The following TTC13 variants were observed in gnomAD, a reference collection of about 807,000 sequenced individuals.
The protein encoded by TTC13 is tetratricopeptide repeat protein 13.
In TTC13, 62 loss-of-function variants were observed where a neutral mutation model predicts 120.0. The observed-to-expected ratio is 0.52, with a 90% CI of 0.42 to 0.64. The LOEUF (loss-of-function observed/expected upper bound fraction) is 0.64. Ranked by LOEUF, TTC13 falls within the 30% of genes least tolerant of loss-of-function variation. The pLI is 0.00. For missense variants in TTC13, 824 were observed against 1,050.2 expected, an observed-to-expected ratio of 0.78 and a Z score of 2.98; for synonymous variants, 384 against 393.5, an observed-to-expected ratio of 0.98 and a Z score of 0.28.
At chr1:230,936,287 G>A in intron 8 of TTC13, 1 of 454,014 alleles carries the variant, frequency 2.2e-6, no homozygotes, top group Non-Finnish European at 4.4e-6. Context: ...GGACATAGTA[G>A]AATCAAGATT....
chr1:230,909,764 C>T (rs886081138), intron 20 of TTC13, among the ~76,000 whole-genome samples: 1 of 152,166 alleles, frequency 6.6e-6, no homozygotes, highest in Admixed American at 6.5e-5. Context: ...TGTGAACTGC[C>T]AGGGCTCCAA....
At chr1:230,961,455 A>C in intron 1 of TTC13, 152 bp from the exon 2 acceptor site, 1 of 604,254 alleles carries the variant, frequency 1.7e-6, no homozygotes, top group South Asian at 2.0e-5. Flanking sequence ...ACAGTGCCTC[A>C]CACCTGTAAT....
At chr1:230,937,558 G>A (rs1572228177) in intron 8 of TTC13, among the ~76,000 whole-genome samples, 2 of 152,298 alleles carry the variant, frequency 1.3e-5, no homozygotes, top group East Asian at 1.9e-4. Context: ...CAAAGCCTGC[G>A]GCTGCCAGTC....
chr1:230,908,990 T>C lies in TTC13; in HGVS notation c.2340A>G (p.Ala780=), dbSNP rs756831184. The C allele has an allele frequency of 6.2e-7, 1 of 1,614,216 alleles. No individual in the cohort carries two copies. The highest frequency in any genetic ancestry group is 2.2e-5 in the East Asian group (1 of 44,884). ...CTACTTCTTTTCCACTTGCCATCAG[T>C]GCTCCCACGATGACCGAGTAAGCAA... ...SVIAYSVIVG[A]LMASGKEVAG... Residue 780 remains alanine (A), a synonymous_variant, in exon 21 of 23, where the codon GCA becomes GCG. Transcript: ENST00000366661.
intron 11 of TTC13, 103 bp from the exon 12 acceptor site, chr1:230,929,196 A>G (rs1673315027): frequency 4.8e-6 from 6 of 1,238,898 alleles, no homozygotes; most frequent in African/African-American, 4.6e-5. Context: ...TTCTTCAATT[A>G]TAAGAATTCT....
In TTC13 at chr1:230,942,067, A is replaced by G. The variant is rs992363189; in HGVS notation, c.673-1511T>C. On this transcript the variant is annotated intron_variant, in intron 6 of 22. Coordinates refer to ENST00000366661, the MANE Select transcript of TTC13 (RefSeq NM_024525.5). The surrounding 1 kb of genome is among the most constrained non-coding windows in gnomAD (Gnocchi z 4.0). ...AATGCCAGAAAAACAGAATATTATT[A>G]TACATTTTTAAGACAATTAAAAATT... Among the ~76,000 whole-genome samples, 1 of 152,242 alleles carries G rather than the reference A, an allele frequency of 6.6e-6. No individual in the cohort carries two copies. The highest frequency in any genetic ancestry group is 2.4e-5 in the African/African-American group (1 of 41,472).
At chr1:230,976,449 A>C (rs1194644234) in intron 1 of TTC13, among the ~76,000 whole-genome samples, 2 of 152,202 alleles carry the variant, frequency 1.3e-5, no homozygotes, top group African/African-American at 2.4e-5. Context: ...AGTAGCCCCT[A>C]CAACAACAGA....
chr1:230,973,735 G>C (rs191838439), intron 1 of TTC13, among the ~76,000 whole-genome samples: 59 of 152,316 alleles, frequency 3.9e-4, no homozygotes, highest in Non-Finnish European at 8.1e-4. Flanking sequence ...AGAGTATAAA[G>C]ATATAATTTA....
At chr1:230,934,310 T>C (rs939137850) in intron 8 of TTC13, among the ~76,000 whole-genome samples, 1 of 152,014 alleles carries the variant, frequency 6.6e-6, no homozygotes, top group African/African-American at 2.4e-5. Context: ...GAAAGCCCAA[T>C]GTGAAACTGT....
chr1:230,978,722 C>T lies in TTC13; in HGVS notation c.109G>A (p.Ala37Thr), dbSNP rs987453161. The change falls in exon 1 of 23, where the codon GCC (alanine) becomes ACC (threonine). Residue 37 changes from alanine (A) to threonine (T), a missense_variant. Coordinates refer to ENST00000366661, the MANE Select transcript of TTC13 (RefSeq NM_024525.5). This position sits in a 1 kb window ranked among gnomAD's most constrained non-coding sequence, Gnocchi z 5.6. ...GCCAGGGCGCCTGGCCGCAGCCCGG[C>T]GGACAGGACCCCCAGCAGCAGCAGC... Reference protein sequence around the residue: ...LLLLLLGVLSAGLRPGALATE... With the variant: ...LLLLLLGVLSTGLRPGALATE... 1.3e-6 allele frequency: 2 copies of T among 1,495,098 alleles called. No homozygotes were observed. Among genetic ancestry groups the T allele is most frequent in the Admixed American group, 4.4e-5 (2 of 45,570 alleles). 92.6% of individuals were successfully genotyped at this position (1,495,098 alleles called of 1,614,324 possible). A position where few individuals can be genotyped will look rare whatever the true frequency, so the allele number is the denominator to read the frequency against.
chr1:230,931,572 G>T (rs11122625), intron 10 of TTC13, 100 bp from the exon 11 acceptor site: 750,782 of 1,485,568 alleles, frequency 0.51, 193,240 homozygotes, highest in Admixed American at 0.64. Context: ...GGTTAAACCA[G>T]ACCTGTAAAC....
At chr1:230,933,747 C>G in intron 9 of TTC13, 32 bp downstream of exon 9, 1 of 1,274,736 alleles carries the variant, frequency 7.8e-7, no homozygotes, top group African/African-American at 1.5e-5. Flanking sequence ...CTTCAGCCTC[C>G]CTCCTACCCC....
At chr1:230,953,307 C>G (rs76794231) in intron 4 of TTC13, among the ~76,000 whole-genome samples, 9,150 of 152,158 alleles carry the variant, frequency 0.06, 289 homozygotes, top group Middle Eastern at 0.082. Context: ...TATAATTAAC[C>G]TTATTTTTAA....
intron 1 of TTC13, among the ~76,000 whole-genome samples, chr1:230,974,343 C>G (rs1035255609): frequency 6.6e-6 from 1 of 152,160 alleles, no homozygotes; most frequent in African/African-American, 2.4e-5. Flanking sequence ...CTGGGCCCTA[C>G]TATATAGAGT....
intron 22 of TTC13, 36 bp from the exon 23 acceptor site, chr1:230,907,055 T>C (rs1671007137): frequency 8.8e-6 from 10 of 1,140,676 alleles, no homozygotes; most frequent in Non-Finnish European, 1.2e-5. Context: ...GGCATGAAAA[T>C]TAACAAAATT....
intron 8 of TTC13, among the ~76,000 whole-genome samples, chr1:230,936,866 C>T (rs1044156949): frequency 2.6e-5 from 4 of 152,154 alleles, no homozygotes; most frequent in African/African-American, 9.7e-5. Context: ...GTTTCACTAC[C>T]GACTCAGTTT....
intron 9 of TTC13, 58 bp downstream of exon 9, chr1:230,933,721 A>G: frequency 1.1e-6 from 1 of 893,892 alleles, no homozygotes; most frequent in Non-Finnish European, 1.7e-6. Context: ...ATGTGAAGCT[A>G]TCTTGTCTCC....
Position 230,923,913 on chromosome 1 carries a change from G to C in TTC13, c.1742C>G (p.Pro581Arg). The change falls in exon 15 of 23, where the codon CCC becomes CGC. Residue 581 changes from proline to arginine, a missense_variant. Physicochemically the swap from Pro to Arg is moderately radical, Grantham distance 103. Around this residue, in one of 4 missense-constraint regions of TTC13, gnomAD observed 430 missense variants for 626.8 expected, o/e 0.69. Coordinates refer to ENST00000366661, the MANE Select transcript of TTC13 (RefSeq NM_024525.5). ...KWRRIADPDQ[P>R]VLWLDQMPAR... is the part of the protein sequence containing the mutation. ...TGGCATTTGATCTAACCACAGCACG[G>C]GCTGGTCTGGGTCAGCAATCCTATA... 5 of 1,613,670 alleles carry C rather than the reference G, an allele frequency of 3.1e-6. No homozygotes were observed. Among genetic ancestry groups the C allele is most frequent in the Non-Finnish European group, 4.2e-6 (5 of 1,179,718 alleles).
At chr1:230,912,187 C>T (rs773394538) in intron 19 of TTC13, among the ~76,000 whole-genome samples, 2 of 152,072 alleles carry the variant, frequency 1.3e-5, no homozygotes, top group African/African-American at 4.8e-5. Flanking sequence ...AGGAAAGGGC[C>T]GCCAAGTGCA....
Sources: allele counts gnomAD v4.1 joint callset (sites outside exome capture counted in the v4.1 genomes callset), GRCh38; gene constraint gnomAD v4.1.1; regional missense constraint gnomAD v4.1.1; non-coding constraint Gnocchi (gnomAD v3.1); transcripts MANE v1.5; gene names NCBI Gene and HGNC (gene_info 2026-07-23, HGNC 2026-07-21).